GLIS3: variants seen among roughly 807,000 people sequenced by gnomAD.
The protein encoded by GLIS3 is GLIS family zinc finger 3, also known as zinc finger protein GLIS3.
Under a neutral mutation model 78.6 loss-of-function variants are expected in GLIS3, and 53 were observed. That is an observed-to-expected ratio of 0.67 (90% CI 0.54 to 0.85). The LOEUF is 0.85. GLIS3 is among the 40% of genes least tolerant of loss of function. The pLI, the probability that GLIS3 is intolerant of heterozygous loss-of-function variation, is 0.00. For synonymous variants in GLIS3, 684 were observed against 509.9 expected, an observed-to-expected ratio of 1.34 and a Z score of -4.60; for missense variants, 1,703 against 1,231.1, an observed-to-expected ratio of 1.38 and a Z score of -5.74.
chr9:4,196,183 C>G (rs913376875), intron 2 of GLIS3, among the ~76,000 whole-genome samples: 10 of 152,136 alleles, frequency 6.6e-5, no homozygotes, highest in Non-Finnish European at 7.3e-5. Flanking sequence ...ACTTTCATGT[C>G]TAGCCAGAGG....
At chr9:4,358,280 T>A in the GLIS3 span, among the ~76,000 whole-genome samples, 1 of 152,104 alleles carries the variant, frequency 6.6e-6, no homozygotes, top group Non-Finnish European at 1.5e-5. Context: ...CTCGTTTTAA[T>A]GCTCGATTTT....
At chr9:3,986,460 A>G (rs1037535797) in intron 4 of GLIS3, among the ~76,000 whole-genome samples, 1 of 152,238 alleles carries the variant, frequency 6.6e-6, no homozygotes, top group African/African-American at 2.4e-5. Flanking sequence ...ACTGTGTACA[A>G]TTAGGAATAC....
the GLIS3 span, among the ~76,000 whole-genome samples, chr9:4,368,534 C>G: frequency 3.9e-5 from 6 of 152,056 alleles, no homozygotes; most frequent in Admixed American, 3.3e-4. Context: ...TATATTTTTA[C>G]TAGAGACGGG....
rs142236588 is a variant in GLIS3 at position 4,095,245 on chromosome 9, C to T, written c.1710+22523G>A. On this transcript the variant is annotated intron_variant, in intron 4 of 10. Transcript: ENST00000381971. ...CTATGTACACATCCTTTGAACTAGC[C>T]TTTCTACTTCTGGACATAAATGTTT... 2.6e-5 allele frequency among the ~76,000 whole-genome samples: 4 copies of T among 152,262 alleles called. No homozygotes were observed. In the East Asian group the frequency reaches 7.7e-4, roughly 29 times the overall value.
At chr9:4,022,689 TA>T (rs1235913996) in intron 4 of GLIS3, among the ~76,000 whole-genome samples, 1 of 152,102 alleles carries the variant, frequency 6.6e-6, no homozygotes, top group Non-Finnish European at 1.5e-5. Flanking sequence ...GGGAAGTGGA[TA>T]AACAAAATAC....
chr9:4,246,374 G>A (rs893604709), intron 2 of GLIS3, among the ~76,000 whole-genome samples: 20 of 152,148 alleles, frequency 1.3e-4, no homozygotes, highest in African/African-American at 4.8e-4. Flanking sequence ...GGAAGAAACA[G>A]GCCACTGATA....
intron 9 of GLIS3, among the ~76,000 whole-genome samples, chr9:3,833,017 A>C (rs572436727): frequency 6.6e-6 from 1 of 152,334 alleles, no homozygotes; most frequent in Admixed American, 6.5e-5. Context: ...GTGTTGTGAT[A>C]TATGAGAGTA....
the GLIS3 span, among the ~76,000 whole-genome samples, chr9:4,489,683 C>A: frequency 6.6e-6 from 1 of 152,198 alleles, no homozygotes; most frequent in African/African-American, 2.4e-5. Context: ...GATGGACCGC[C>A]CACTTTCTCC....
the GLIS3 span, among the ~76,000 whole-genome samples, chr9:4,423,085 AG>A: frequency 6.6e-6 from 1 of 152,026 alleles, no homozygotes; most frequent in Non-Finnish European, 1.5e-5. Flanking sequence ...ATGCCTCCAT[AG>A]GTGGGGTCCC....
At chr9:4,392,323 G>GCA in the GLIS3 span, among the ~76,000 whole-genome samples, 1 of 152,260 alleles carries the variant, frequency 6.6e-6, no homozygotes, top group East Asian at 1.9e-4. Context: ...GGGTTGATAG[G>GCA]TGCTGCAAAC....
intron 2 of GLIS3, among the ~76,000 whole-genome samples, chr9:4,268,850 A>G (rs979777948): frequency 2.6e-5 from 4 of 152,142 alleles, no homozygotes; most frequent in Non-Finnish European, 4.4e-5. Context: ...AGGTTCTGGT[A>G]TCTCCCAACC....
At chr9:3,989,055 C>A (rs1236249104) in intron 4 of GLIS3, among the ~76,000 whole-genome samples, 3 of 151,986 alleles carry the variant, frequency 2.0e-5, no homozygotes, top group Non-Finnish European at 4.4e-5. Context: ...TCTCAAAACT[C>A]AATAGTAATA....
chr9:4,121,662 C>CA (rs3063580), intron 3 of GLIS3, among the ~76,000 whole-genome samples: 4 of 148,356 alleles, frequency 2.7e-5, no homozygotes, highest in Admixed American at 6.7e-5. Context: ...CACACACACA[C>CA]CCCAAAGTTC....
At chr9:4,020,390 G>C (rs1344291915) in intron 4 of GLIS3, among the ~76,000 whole-genome samples, 1 of 152,182 alleles carries the variant, frequency 6.6e-6, no homozygotes, top group Non-Finnish European at 1.5e-5. Flanking sequence ...TCCTGGCAGA[G>C]ATGTGGGTTG....
chr9:4,399,716 A>G, the GLIS3 span, among the ~76,000 whole-genome samples: 1 of 152,186 alleles, frequency 6.6e-6, no homozygotes, highest in East Asian at 1.9e-4. Context: ...GCTGTAAGTA[A>G]CAAGTAAAGT....
the GLIS3 span, among the ~76,000 whole-genome samples, chr9:4,374,237 T>C: frequency 5.3e-5 from 8 of 152,314 alleles, no homozygotes; most frequent in African/African-American, 1.9e-4. Context: ...AGTTACAAAA[T>C]GAATTAGAAC....
At chr9:4,291,364 C>G (rs1032897747) in intron 1 of GLIS3, among the ~76,000 whole-genome samples, 42 of 152,174 alleles carry the variant, frequency 2.8e-4, no homozygotes, top group African/African-American at 9.9e-4. Flanking sequence ...GGGACCTCAC[C>G]TAATAGAAAC....
chr9:4,294,315 TCTGA>T (rs1816288066), intron 1 of GLIS3, among the ~76,000 whole-genome samples: 1 of 152,210 alleles, frequency 6.6e-6, no homozygotes, highest in Non-Finnish European at 1.5e-5. Context: ...TCGAGACCAG[TCTGA>T]CTAACACAGT....
At chr9:4,090,302 TATTTG>T (rs1829390098) in intron 4 of GLIS3, among the ~76,000 whole-genome samples, 2 of 152,136 alleles carry the variant, frequency 1.3e-5, no homozygotes, top group African/African-American at 2.4e-5. Context: ...GCTCAATATA[TATTTG>T]ATTTGAGTTT....
Sources: gnomAD v4.1 joint callset for allele counts (sites outside exome capture counted in the v4.1 genomes callset) on GRCh38, gnomAD v4.1.1 for gene constraint, MANE v1.5 for transcripts, NCBI Gene and HGNC (gene_info 2026-07-23, HGNC 2026-07-21) for gene names.